Variants in RBMXL3 observed in about 807,000 individuals in gnomAD.
RBMXL3 encodes RBMX like 3, also known as RNA-binding motif protein, X-linked-like-3.
A neutral mutation model predicts 0.8 loss-of-function variants in RBMXL3; 2 were observed. That is an observed-to-expected ratio of 2.54 (90% CI 1.04 to 8.00). The LOEUF (loss-of-function observed/expected upper bound fraction) is 8.00. Ranked by LOEUF, RBMXL3 falls within the 30% of genes most tolerant of loss-of-function variation. The pLI, the probability that RBMXL3 is intolerant of heterozygous loss-of-function variation, is 0.04. For missense variants in RBMXL3, 1,127 were observed against 1,068.0 expected, an observed-to-expected ratio of 1.06 and a Z score of -0.77; for synonymous variants, 447 against 449.8, an observed-to-expected ratio of 0.99 and a Z score of 0.08.
rs201047008 is a variant in RBMXL3 at position 115,191,678 on chromosome X, G to T, written c.2237G>T (p.Arg746Leu). The change falls in exon 1 of 1, where the codon CGC (arginine) becomes CTC (leucine). Residue 746 changes from arginine (R) to leucine (L), a missense_variant. Transcript: ENST00000424776. ...AGCGACCACTATGGAGGAGGAGGTC[G>T]CTCACTCGATGCCAACAGCAGTGGC... is the stretch of plus-strand genomic sequence containing the variant. ...SQSDHYGGGGRSLDANSSGRL... is the reference protein window; with the variant it reads ...SQSDHYGGGGLSLDANSSGRL... 1 of 1,161,698 alleles carries T rather than the reference G, an allele frequency of 8.6e-7. No individual in the cohort carries two copies. The highest frequency in any genetic ancestry group is 1.8e-5 in the African/African-American group (1 of 54,337).
chrX:115,191,556 C>T lies in RBMXL3; in HGVS notation c.2115C>T (p.Gly705=), dbSNP rs782569242. Residue 705 remains glycine (G), a synonymous_variant, in exon 1 of 1, where the codon GGC becomes GGT. Coordinates refer to ENST00000424776, the MANE Select transcript of RBMXL3 (RefSeq NM_001145346.2). ...GCCAGAGCAACCGCTATGGAGGAGG[C>T]GGCCGCTACGAGGAGTACCGAGGCC... is the stretch of plus-strand genomic sequence containing the variant. ...SSSQSNRYGG[G]GRYEEYRGHS... is the part of the protein sequence containing the mutation. The T allele has an allele frequency of 2.2e-5, 21 of 976,271 alleles. No individual in the cohort carries two copies. The East Asian group carries it at 2.7e-4, about 13-fold the overall frequency. 80.5% of individuals were successfully genotyped at this position (976,271 alleles called of 1,213,427 possible).
rs2147328805 is a variant in RBMXL3, at chrX:115,190,972, G to A, written c.1531G>A (p.Glu511Lys). ...CCGCTACGGAGTAGGAGGCCACTAT[G>A]AGGAGAACCGAGGCCACTCTCTGGA... ...SDRYGVGGHY[E>K]ENRGHSLDAN... The change falls in exon 1 of 1, where the codon GAG (glutamate) becomes AAG (lysine). Residue 511 changes from glutamate to lysine, a missense_variant. Coordinates refer to ENST00000424776, the MANE Select transcript of RBMXL3 (RefSeq NM_001145346.2). 6 of 1,163,922 alleles carry A rather than the reference G, an allele frequency of 5.2e-6. No homozygotes were observed. In the East Asian group the frequency reaches 1.3e-4, roughly 25 times the overall value.
In RBMXL3 at chrX:115,190,182, C is replaced by T. The variant is rs892714612; in HGVS notation, c.741C>T (p.Arg247=). Residue 247 remains arginine, a synonymous_variant, in exon 1 of 1, where the codon CGC becomes CGT. Coordinates refer to ENST00000424776, the MANE Select transcript of RBMXL3 (RefSeq NM_001145346.2). The part of the protein sequence containing the change: ...PRVREPLPPC[R]DPGDFVPALR... Reference sequence around the variant, plus strand: ...TCCGGGAGCCACTGCCCCCGTGCCGCGACCCTGGGGATTTTGTCCCTGCGC... The same window carrying T: ...TCCGGGAGCCACTGCCCCCGTGCCGTGACCCTGGGGATTTTGTCCCTGCGC... 32 of 1,165,234 alleles carry T rather than the reference C, an allele frequency of 2.7e-5. No individual in the cohort carries two copies. Among genetic ancestry groups the T allele is most frequent in the South Asian group, 7.6e-5 (4 of 52,571 alleles).
rs1311671483 is a variant in RBMXL3, at chrX:115,190,318, G to C, written c.877G>C (p.Asp293His). Residue 293 changes from aspartate (D) to histidine (H), a missense_variant, in exon 1 of 1, where the codon GAT becomes CAT. Asp to His is a moderately conservative substitution (Grantham distance 81, BLOSUM62 -1). Transcript: ENST00000424776. ...GYRGRDHEYT[D>H]HPSKGSYREP... ...CAGGGGTCGCGACCATGAGTACACA[G>C]ATCATCCCAGCAAAGGCTCCTACCG... The C allele has an allele frequency of 1.7e-6, 2 of 1,157,240 alleles. No homozygotes were observed. The highest frequency in any genetic ancestry group is 2.3e-6 in the Non-Finnish European group (2 of 867,589).
At position 115,190,742 on chromosome X, in the gene RBMXL3, G is replaced by GCGGGGGCCGCTCCACTGATGCCCA. The variant is rs2072795018; in HGVS notation, c.1302_1303insGGGGGCCGCTCCACTGATGCCCAC (p.Arg434_Ser435insGlyGlyArgSerThrAspAlaHis). The GCGGGGGCCGCTCCACTGATGCCCA allele has an allele frequency of 9.4e-7, 1 of 1,069,031 alleles. No individual in the cohort carries two copies. The highest frequency in any genetic ancestry group is 2.1e-5 in the African/African-American group (1 of 47,693). 88.1% of individuals were successfully genotyped at this position (1,069,031 alleles called of 1,213,427 possible). The stretch of plus-strand genomic sequence containing the variant: ...TACCGAGGCCGCTCACACGAGGCCC[G>GCGGGGGCCGCTCCACTGATGCCCA]CAGCGGGGGCCGCTCCACTGATGCC... On this transcript the variant is annotated inframe_insertion, in exon 1 of 1. Coordinates refer to ENST00000424776, the MANE Select transcript of RBMXL3 (RefSeq NM_001145346.2).
Position 115,189,736 on chromosome X carries a change from C to T in RBMXL3, c.295C>T (p.Pro99Ser), listed in dbSNP as rs1258651963. 23 of 1,165,696 alleles carry T rather than the reference C, an allele frequency of 2.0e-5. No homozygotes were observed. The East Asian group carries it at 6.9e-4, about 35-fold the overall frequency. ...GAGCAGCCGATGGGTCCCGCCAACC[C>T]CCGGCAGCGGCAGTCGCTCAAGGTT... ...FKSSRWVPPTPGSGSRSRFSH... is the reference protein window; with the variant it reads ...FKSSRWVPPTSGSGSRSRFSH... Residue 99 changes from proline to serine, a missense_variant, in exon 1 of 1, where the codon CCC (proline) becomes TCC (serine). Pro to Ser is a moderately conservative substitution (Grantham distance 74). Coordinates refer to ENST00000424776, the MANE Select transcript of RBMXL3 (RefSeq NM_001145346.2).
At position 115,190,661 on chromosome X, in the gene RBMXL3, C is replaced by CGGGGG. The variant is rs2072791589; in HGVS notation, c.1220_1221insGGGGG (p.Ser408GlyfsTer101). 3 of 519,163 alleles carry CGGGGG rather than the reference C, an allele frequency of 5.8e-6. No homozygotes were observed. The highest frequency in any genetic ancestry group is 5.3e-6 in the Non-Finnish European group (2 of 379,805). 42.8% of individuals were successfully genotyped at this position (519,163 alleles called of 1,213,427 possible). On this transcript the variant is annotated frameshift_variant, in exon 1 of 1. Transcript: ENST00000424776. LOFTEE classifies it low-confidence loss of function (END_TRUNC). ...GCCCACAGCGGGGGCCGCAACAGTT[C>CGGGGG]CAGCAACAGTTACGGCCAGAGCCAC...
At position 115,189,426 on chromosome X, in the gene RBMXL3, C is replaced by A; in HGVS notation, c.-16C>A. ...TCACTTCCCACTTCCTCTGACCCAC[C>A]ATTCGGCAGGGAGACATGATGGAAG... On this transcript the variant is annotated 5_prime_UTR_variant, in exon 1 of 1. Transcript: ENST00000424776. 1 of 1,157,964 alleles carries A rather than the reference C, an allele frequency of 8.6e-7. No individual in the cohort carries two copies. Among genetic ancestry groups the A allele is most frequent in the Admixed American group, 2.6e-5 (1 of 38,260 alleles).
chrX:115,191,152 G>A lies in RBMXL3; in HGVS notation c.1711G>A (p.Ala571Thr), dbSNP rs1233165705. The change falls in exon 1 of 1, where the codon GCC becomes ACC. Residue 571 changes from alanine to threonine, a missense_variant. Ala to Thr is a moderately conservative substitution (Grantham distance 58). Transcript: ENST00000424776. The stretch of plus-strand genomic sequence containing the variant: ...CCACAGTGGGGGCTGCTCTGCCGAC[G>A]CCTACAGTGGGGGCCACGACAGTTC... ...DAHSGGCSADAYSGGHDSSSQ... is the reference protein window; with the variant it reads ...DAHSGGCSADTYSGGHDSSSQ... The A allele has an allele frequency of 5.1e-6, 6 of 1,165,281 alleles. No homozygotes were observed. Among genetic ancestry groups the A allele is most frequent in the Admixed American group, 2.6e-5 (1 of 38,545 alleles).
In RBMXL3 at chrX:115,191,002, A is replaced by G. The variant is rs1556558546; in HGVS notation, c.1561A>G (p.Asn521Asp). 8.7e-7 allele frequency: 1 copy of G among 1,152,804 alleles called. No homozygotes were observed. Among genetic ancestry groups the G allele is most frequent in the Non-Finnish European group, 1.2e-6 (1 of 868,440 alleles). ...EENRGHSLDA[N>D]SGGRSPDTHS... Reference sequence around the variant, plus strand: ...GAACCGAGGCCACTCTCTGGATGCCAACAGCGGAGGCCGTTCACCCGACAC... The same window carrying G: ...GAACCGAGGCCACTCTCTGGATGCCGACAGCGGAGGCCGTTCACCCGACAC... The change falls in exon 1 of 1, where the codon AAC (asparagine) becomes GAC (aspartate). Residue 521 changes from asparagine to aspartate, a missense_variant. Coordinates refer to ENST00000424776, the MANE Select transcript of RBMXL3 (RefSeq NM_001145346.2).
chrX:115,190,518 G>C lies in RBMXL3; in HGVS notation c.1077G>C (p.Arg359Ser). The C allele has an allele frequency of 8.6e-7, 1 of 1,167,333 alleles. No homozygotes were observed. The change falls in exon 1 of 1, where the codon AGG (arginine) becomes AGC (serine). Residue 359 changes from arginine (R) to serine (S), a missense_variant. Arg to Ser is a moderately radical substitution (Grantham distance 110, BLOSUM62 -1). Coordinates refer to ENST00000424776, the MANE Select transcript of RBMXL3 (RefSeq NM_001145346.2). ...TCGTCTTGCCAGACGCCTACAGCAGGGACCACTCGCCCAAAGCCTATAGTG... is the reference window on the plus strand; with the variant it reads ...TCGTCTTGCCAGACGCCTACAGCAGCGACCACTCGCCCAAAGCCTATAGTG... ...LPVVLPDAYS[R>S]DHSPKAYSGG... is the part of the protein sequence containing the mutation.
rs1556556238 is a variant in RBMXL3, at chrX:115,189,637, G to A, written c.196G>A (p.Ala66Thr). 4.3e-6 allele frequency: 5 copies of A among 1,168,932 alleles called. No homozygotes were observed. Among genetic ancestry groups the A allele is most frequent in the East Asian group, 3.2e-5 (1 of 30,805 alleles). The change falls in exon 1 of 1, where the codon GCC becomes ACC. Residue 66 changes from alanine (A) to threonine (T), a missense_variant. Transcript: ENST00000424776. ...FESPADAKAA[A>T]RDMNGKYLDG... Reference sequence around the variant, plus strand: ...AAGCCCTGCAGACGCCAAGGCTGCCGCCAGAGATATGAACGGCAAGTACCT... The same window carrying A: ...AAGCCCTGCAGACGCCAAGGCTGCCACCAGAGATATGAACGGCAAGTACCT...
In RBMXL3 at chrX:115,190,836, C is replaced by T. The variant is rs1186218973; in HGVS notation, c.1395C>T (p.Cys465=). The T allele has an allele frequency of 7.8e-6, 9 of 1,152,963 alleles. No individual in the cohort carries two copies. In the African/African-American group the frequency reaches 1.1e-4, roughly 14 times the overall value. ...GHDSSSWSDC[C]GGGGRYEEYQ... is the part of the protein sequence containing the mutation. ...ACAGTTCCAGCTGGAGCGACTGCTG[C>T]GGAGGAGGAGGCCGTTATGAGGAGT... Residue 465 remains cysteine (C), a synonymous_variant, in exon 1 of 1, where the codon TGC becomes TGT. Transcript: ENST00000424776.
chrX:115,192,070 T>C lies in RBMXL3; in HGVS notation c.2629T>C (p.Ser877Pro). 8.6e-7 allele frequency: 1 copy of C among 1,158,009 alleles called. No homozygotes were observed. The change falls in exon 1 of 1, where the codon TCG becomes CCG. Residue 877 changes from serine to proline, a missense_variant. Physicochemically the swap from Ser to Pro is moderately conservative, Grantham distance 74. Coordinates refer to ENST00000424776, the MANE Select transcript of RBMXL3 (RefSeq NM_001145346.2). ...GCACGACACCCACAGCAGGGGCCGA[T>C]CGCCCGATGCCCACAGCGGGGACCA... ...RSHDTHSRGR[S>P]PDAHSGDHYT...
rs1556561644 is a variant in RBMXL3 at position 115,192,650 on chromosome X, G to T, written c.*5G>T. ...GAAGGCCGGAGCAGATACTAAGCAGGAACAGACTTGGGCCCAAAAATTCCT... is the reference window on the plus strand; with the variant it reads ...GAAGGCCGGAGCAGATACTAAGCAGTAACAGACTTGGGCCCAAAAATTCCT... On this transcript the variant is annotated 3_prime_UTR_variant, in exon 1 of 1. Coordinates refer to ENST00000424776, the MANE Select transcript of RBMXL3 (RefSeq NM_001145346.2). 2 of 1,166,838 alleles carry T rather than the reference G, an allele frequency of 1.7e-6. No homozygotes were observed.
Position 115,192,508 on chromosome X carries a change from C to T in RBMXL3, c.3067C>T (p.Arg1023Cys), listed in dbSNP as rs782793535. The change falls in exon 1 of 1, where the codon CGT (arginine) becomes TGT (cysteine). Residue 1023 changes from arginine (R) to cysteine (C), a missense_variant. Physicochemically the swap from Arg to Cys is radical, Grantham distance 180. Coordinates refer to ENST00000424776, the MANE Select transcript of RBMXL3 (RefSeq NM_001145346.2). ...RGRDRVGRPD[R>C]GLPLPMETGS... Reference sequence around the variant, plus strand: ...TCGAGACCGGGTAGGCAGACCGGATCGTGGGCTCCCTCTGCCCATGGAAAC... The same window carrying T: ...TCGAGACCGGGTAGGCAGACCGGATTGTGGGCTCCCTCTGCCCATGGAAAC... 1.7e-6 allele frequency: 2 copies of T among 1,169,927 alleles called. No individual in the cohort carries two copies. The highest frequency in any genetic ancestry group is 2.6e-5 in the Admixed American group (1 of 39,097).
In RBMXL3 at chrX:115,190,051, C is replaced by T. The variant is rs1556556764; in HGVS notation, c.610C>T (p.His204Tyr). 1.7e-6 allele frequency: 2 copies of T among 1,155,209 alleles called. No individual in the cohort carries two copies. The highest frequency in any genetic ancestry group is 1.8e-5 in the African/African-American group (1 of 56,016). ...LQPRRWAGPP[H>Y]KRAVPRSSLA... ...GCCACGGCGCTGGGCCGGCCCACCCCACAAGAGGGCTGTGCCCCGGTCAAG... is the reference window on the plus strand; with the variant it reads ...GCCACGGCGCTGGGCCGGCCCACCCTACAAGAGGGCTGTGCCCCGGTCAAG... The change falls in exon 1 of 1, where the codon CAC becomes TAC. Residue 204 changes from histidine to tyrosine, a missense_variant. By Grantham distance (83) the His-to-Tyr change is moderately conservative. Transcript: ENST00000424776.
Position 115,190,076 on chromosome X carries a change from G to A in RBMXL3, c.635G>A (p.Ser212Asn). ...CACAAGAGGGCTGTGCCCCGGTCAA[G>A]CCTGGCTCGCATTGGCGGCAGTGGA... ...PPHKRAVPRS[S>N]LARIGGSGMP... Residue 212 changes from serine to asparagine, a missense_variant, in exon 1 of 1, where the codon AGC becomes AAC. By Grantham distance (46) the Ser-to-Asn change is conservative. Coordinates refer to ENST00000424776, the MANE Select transcript of RBMXL3 (RefSeq NM_001145346.2). 8.7e-7 allele frequency: 1 copy of A among 1,154,099 alleles called. No individual in the cohort carries two copies.
In RBMXL3 at chrX:115,189,796, C is replaced by T. The variant is rs782111433; in HGVS notation, c.355C>T (p.Gln119Ter). ...AACCCGTGGGGGTGGCAGCAGCCCA[C>T]AGCGACCCCCCTCTCAGGGCAGGCC... Reference protein sequence around the residue: ...HRTRGGGSSPQRPPSQGRPDD... With the variant: ...HRTRGGGSSP The change falls in exon 1 of 1, where the codon CAG becomes TAG. Residue 119 changes from glutamine (Q) to a stop codon, truncating the protein, a stop_gained. Transcript: ENST00000424776. LOFTEE classifies it low-confidence loss of function (END_TRUNC). 3 of 1,166,283 alleles carry T rather than the reference C, an allele frequency of 2.6e-6. No homozygotes were observed. The highest frequency in any genetic ancestry group is 2.3e-6 in the Non-Finnish European group (2 of 872,922).
Sources: gnomAD v4.1 joint callset for allele counts on GRCh38, gnomAD v4.1.1 for gene constraint, MANE v1.5 for transcripts, NCBI Gene and HGNC (gene_info 2026-07-23, HGNC 2026-07-21) for gene names.